The following EFHD1 variants were observed in gnomAD, a reference collection of about 807,000 sequenced individuals.
EFHD1 encodes the protein EF-hand domain-containing protein D1.
In EFHD1, 10 loss-of-function variants were observed where a neutral mutation model predicts 17.2. That is an observed-to-expected ratio of 0.58 (90% CI 0.36 to 0.99). The LOEUF is 0.99. Among genes scored for constraint, EFHD1 ranks in the 50% least tolerant of loss-of-function variants. The probability of loss-of-function intolerance (pLI) is 0.01; values close to 1 mark genes in which losing one functional copy is unlikely to be tolerated. For synonymous variants in EFHD1, 153 were observed against 142.0 expected (o/e 1.08, Z -0.55); for missense variants, 310 against 327.5 (o/e 0.95, Z 0.41).
At chr2:232,666,065 G>A (rs988827514) in intron 2 of EFHD1, among the ~76,000 whole-genome samples, 2 of 152,226 alleles carry the variant, frequency 1.3e-5, no homozygotes, top group Non-Finnish European at 2.9e-5. Context: ...GAGGTCTGCA[G>A]CAGAACTGGC....
chr2:232,628,393 G>C (rs1187725846), intron 1 of EFHD1, among the ~76,000 whole-genome samples: 1 of 152,142 alleles, frequency 6.6e-6, no homozygotes, highest in Non-Finnish European at 1.5e-5. Context: ...GTTTATAAAA[G>C]TCAAAACCTT....
chr2:232,676,653 C>T (rs1218652710), intron 3 of EFHD1, among the ~76,000 whole-genome samples: 1 of 152,136 alleles, frequency 6.6e-6, no homozygotes, highest in Non-Finnish European at 1.5e-5. Context: ...TTCTGGGCAC[C>T]TCACAACATA....
intron 1 of EFHD1, among the ~76,000 whole-genome samples, chr2:232,621,850 G>A (rs1694024102): frequency 6.6e-6 from 1 of 152,190 alleles, no homozygotes; most frequent in Non-Finnish European, 1.5e-5. Flanking sequence ...ACACAGCCAG[G>A]ATTTATACAA....
upstream of EFHD1, chr2:232,633,497 A>G (rs556254207): frequency 1.6e-6 from 2 of 1,250,924 alleles, no homozygotes; most frequent in Non-Finnish European, 2.0e-6. Context: ...CCAGGCTGGC[A>G]GTCGCTGAGC....
intron 1 of EFHD1, among the ~76,000 whole-genome samples, chr2:232,637,990 A>G (rs1334011522): frequency 5.9e-5 from 9 of 152,180 alleles, no homozygotes; most frequent in African/African-American, 1.9e-4. Flanking sequence ...TGTAGAAGAA[A>G]GAGTGTTTTC....
At chr2:232,651,816 C>T (rs1482087994) in intron 1 of EFHD1, among the ~76,000 whole-genome samples, 1 of 132,632 alleles carries the variant, frequency 7.5e-6, no homozygotes, top group Non-Finnish European at 1.7e-5. Flanking sequence ...AGGGAGATTC[C>T]ATCTCAAAAA....
intron 2 of EFHD1, among the ~76,000 whole-genome samples, chr2:232,665,456 C>G (rs936843146): frequency 6.6e-6 from 1 of 151,962 alleles, no homozygotes; most frequent in African/African-American, 2.4e-5. Context: ...GAGTCTCACT[C>G]TGTTGCCCAG....
At chr2:232,607,446 A>AAAAGG in intron 1 of EFHD1, among the ~76,000 whole-genome samples, 1 of 148,484 alleles carries the variant, frequency 6.7e-6, no homozygotes, top group South Asian at 2.1e-4. Flanking sequence ...AAAAAAAAAA[A>AAAAGG]AGCCTGGCGT....
At chr2:232,657,338 C>T (rs999461282) in intron 1 of EFHD1, among the ~76,000 whole-genome samples, 2 of 152,130 alleles carry the variant, frequency 1.3e-5, no homozygotes, top group Non-Finnish European at 2.9e-5. Context: ...TTGCGACTGG[C>T]TTATTTCACT....
intron 1 of EFHD1, among the ~76,000 whole-genome samples, chr2:232,613,643 C>CACACACAA (rs761145052): frequency 1.2e-4 from 16 of 135,460 alleles, no homozygotes; most frequent in Middle Eastern, 3.9e-3. Context: ...TATACACACA[C>CACACACAA]ATACACACAC....
intron 1 of EFHD1, among the ~76,000 whole-genome samples, chr2:232,640,359 A>C (rs1238002064): frequency 6.6e-6 from 1 of 152,158 alleles, no homozygotes; most frequent in Non-Finnish European, 1.5e-5. Flanking sequence ...CGAATGACCT[A>C]AGAGTCCACT....
At chr2:232,671,578 T>A (rs1230601034) in intron 2 of EFHD1, among the ~76,000 whole-genome samples, 1 of 150,802 alleles carries the variant, frequency 6.6e-6, no homozygotes, top group Non-Finnish European at 1.5e-5. Flanking sequence ...TACAAAAAAA[T>A]TAGCGAGGCA....
chr2:232,614,938 T>C (rs1323396337), intron 1 of EFHD1, among the ~76,000 whole-genome samples: 1 of 151,954 alleles, frequency 6.6e-6, no homozygotes, highest in Non-Finnish European at 1.5e-5. Flanking sequence ...ATTGCGCCAC[T>C]GCACTCCAGT....
chr2:232,648,687 G>T lies in EFHD1; in HGVS notation c.303-14115G>T, dbSNP rs79054345. On this transcript the variant is annotated intron_variant, in intron 1 of 3. Transcript: ENST00000264059. ...TGAACGTGCCCAGGGGCTGTGGTGT[G>T]GGGGGCTTGTGAACATGCAGGCTCT... 7.2e-3 allele frequency among the ~76,000 whole-genome samples: 1,090 copies of T among 152,130 alleles called. 26 individuals carry two copies. Among genetic ancestry groups the T allele is most frequent in the African/African-American group, 0.025 (1,026 of 41,468 alleles).
rs569120803 is a variant in EFHD1 at position 232,677,243 on chromosome 2, T to TACACACACACACACACACAC, written c.586-4331_586-4330insCACACACACACACACACACA. On this transcript the variant is annotated intron_variant, in intron 3 of 3. Coordinates refer to ENST00000264059, the MANE Select transcript of EFHD1 (RefSeq NM_025202.4). ...ACACACACACACACACACACACACG[T>TACACACACACACACACACAC]ACACACACACATCTTTCTATAACAC... is the stretch of plus-strand genomic sequence containing the variant. Among the ~76,000 whole-genome samples, 245 of 99,224 alleles carry TACACACACACACACACACAC rather than the reference T, an allele frequency of 2.5e-3. 3 individuals are homozygous for TACACACACACACACACACAC. Among genetic ancestry groups the TACACACACACACACACACAC allele is most frequent in the East Asian group, 8.4e-3 (29 of 3,444 alleles). The allele number at this position is 99,224 out of a possible 152,430, so 65.1% of individuals were successfully genotyped here. A position where few individuals can be genotyped will look rare whatever the true frequency, so the allele number is the denominator to read the frequency against.
chr2:232,656,542 C>A (rs1334833645), intron 1 of EFHD1, among the ~76,000 whole-genome samples: 1 of 151,442 alleles, frequency 6.6e-6, no homozygotes, highest in African/African-American at 2.4e-5. Context: ...TTGAAATGAT[C>A]CCCCTGCCTC....
At chr2:232,678,092 G>T (rs558408651) in intron 3 of EFHD1, among the ~76,000 whole-genome samples, 25 of 152,086 alleles carry the variant, frequency 1.6e-4, no homozygotes, top group Admixed American at 4.6e-4. Flanking sequence ...AGACCAGCCT[G>T]GCCAACATGG....
At chr2:232,651,424 C>T (rs1456791844) in intron 1 of EFHD1, among the ~76,000 whole-genome samples, 1 of 152,224 alleles carries the variant, frequency 6.6e-6, no homozygotes, top group Non-Finnish European at 1.5e-5. Context: ...GATATAAGAT[C>T]ATCTGTTTGC....
At chr2:232,651,131 C>T (rs1188426758) in intron 1 of EFHD1, among the ~76,000 whole-genome samples, 1 of 152,160 alleles carries the variant, frequency 6.6e-6, no homozygotes, top group Non-Finnish European at 1.5e-5. Context: ...AGGGCTGGGG[C>T]TCTGTGGGGT....
Sources: gnomAD v4.1 joint callset for allele counts (sites outside exome capture counted in the v4.1 genomes callset) on GRCh38, gnomAD v4.1.1 for gene constraint, MANE v1.5 for transcripts, NCBI Gene and HGNC (gene_info 2026-07-23, HGNC 2026-07-21) for gene names.